Variants in TDRD3 observed in about 807,000 individuals in gnomAD.
The protein encoded by TDRD3 is tudor domain-containing protein 3.
A neutral mutation model predicts 86.7 loss-of-function variants in TDRD3; 45 were observed. That is an observed-to-expected ratio of 0.52 (90% CI 0.41 to 0.67). TDRD3 has a LOEUF of 0.67. Among genes scored for constraint, TDRD3 ranks in the 30% least tolerant of loss-of-function variants. The pLI, the probability that TDRD3 is intolerant of heterozygous loss-of-function variation, is 0.00. For synonymous variants in TDRD3, 298 were observed against 301.7 expected (o/e 0.99, Z 0.13); for missense variants, 814 against 889.0 (o/e 0.92, Z 1.07).
At chr13:60,420,231 G>C (rs1195991181) in intron 1 of TDRD3, among the ~76,000 whole-genome samples, 2 of 152,074 alleles carry the variant, frequency 1.3e-5, no homozygotes, top group Non-Finnish European at 2.9e-5. Context: ...TCTTAATGTT[G>C]ATTTGTAGGA....
intron 12 of TDRD3, among the ~76,000 whole-genome samples, chr13:60,542,079 G>C (rs1019925028): frequency 6.6e-6 from 1 of 151,942 alleles, no homozygotes; most frequent in Non-Finnish European, 1.5e-5. Context: ...CAACTGAACG[G>C]GGCTGGAATT....
intron 10 of TDRD3, among the ~76,000 whole-genome samples, chr13:60,515,049 G>A (rs1490740239): frequency 6.6e-6 from 1 of 152,100 alleles, no homozygotes; most frequent in African/African-American, 2.4e-5. Context: ...GACAGAAGAA[G>A]TCATAAACTA....
intron 1 of TDRD3, among the ~76,000 whole-genome samples, chr13:60,436,278 T>A (rs1411231099): frequency 6.6e-6 from 1 of 152,100 alleles, no homozygotes; most frequent in African/African-American, 2.4e-5. Context: ...TCTACTTACT[T>A]TTTATTTTTG....
chr13:60,497,720 A>T (rs1163775942), intron 8 of TDRD3, among the ~76,000 whole-genome samples: 1 of 152,056 alleles, frequency 6.6e-6, no homozygotes, highest in Non-Finnish European at 1.5e-5. Flanking sequence ...TGGAATGGGG[A>T]TGTGTGGGTG....
intron 1 of TDRD3, among the ~76,000 whole-genome samples, chr13:60,431,266 A>G (rs1267651435): frequency 2.0e-5 from 3 of 152,048 alleles, no homozygotes; most frequent in Non-Finnish European, 4.4e-5. Flanking sequence ...CAACAGGAGT[A>G]TAATATTTTA....
intron 1 of TDRD3, among the ~76,000 whole-genome samples, chr13:60,401,568 T>G (rs936472118): frequency 2.0e-5 from 3 of 152,184 alleles, no homozygotes; most frequent in Admixed American, 2.0e-4. Context: ...TGAAGACCCT[T>G]TAAGGTAGCA....
chr13:60,416,955 A>T (rs1464019383), intron 1 of TDRD3, among the ~76,000 whole-genome samples: 2 of 150,730 alleles, frequency 1.3e-5, no homozygotes, highest in Non-Finnish European at 2.9e-5. Flanking sequence ...ATTGGTACTA[A>T]CAAAGTTCTA....
At chr13:60,478,509 TGGCC>T (rs2137469366) in intron 5 of TDRD3, among the ~76,000 whole-genome samples, 1 of 152,146 alleles carries the variant, frequency 6.6e-6, no homozygotes, top group South Asian at 2.1e-4. Flanking sequence ...TTCAGAATGT[TGGCC>T]AGGGTGGTCT....
intron 10 of TDRD3, among the ~76,000 whole-genome samples, chr13:60,525,454 G>A (rs1957406644): frequency 6.6e-6 from 1 of 151,960 alleles, no homozygotes; most frequent in South Asian, 2.1e-4. Flanking sequence ...GATTACAGGG[G>A]TGAACCACCG....
chr13:60,429,840 T>TAC (rs1555271860), intron 1 of TDRD3, among the ~76,000 whole-genome samples: 2 of 354 alleles, frequency 5.6e-3, no homozygotes, highest in Non-Finnish European at 0.011. Flanking sequence ...AGAAATTGTA[T>TAC]TCTCTTTCTC....
chr13:60,514,497 A>G (rs1452286441), intron 10 of TDRD3, among the ~76,000 whole-genome samples: 1 of 152,182 alleles, frequency 6.6e-6, no homozygotes, highest in African/African-American at 2.4e-5. Flanking sequence ...AATCTCTCCT[A>G]GATGTACTGT....
intron 12 of TDRD3, among the ~76,000 whole-genome samples, chr13:60,553,545 T>G (rs1306037047): frequency 6.7e-6 from 1 of 150,176 alleles, no homozygotes; most frequent in Non-Finnish European, 1.5e-5. Flanking sequence ...TAATTTATTT[T>G]TTTTAAATAA....
At position 60,573,612 on chromosome 13, in the gene TDRD3, G is replaced by T; in HGVS notation, c.*10-4G>T. 1.0e-6 allele frequency: 1 copy of T among 985,320 alleles called. No homozygotes were observed. The highest frequency in any genetic ancestry group is 1.2e-6 in the Non-Finnish European group (1 of 829,900). The allele number at this position is 985,320 out of a possible 1,614,324, so 61.0% of individuals were successfully genotyped here. A position where few individuals can be genotyped will look rare whatever the true frequency, so the allele number is the denominator to read the frequency against. ...TTCATTTTCTTCATTTCTTTTTAAA[G>T]TAGACTCTTTGTGAAGAAACGAGCC... is the stretch of plus-strand genomic sequence containing the variant. On this transcript the variant is annotated splice_polypyrimidine_tract_variant and splice_region_variant and intron_variant, in intron 13 of 13. Transcript: ENST00000377881.
At chr13:60,449,029 A>T (rs1415525736) in intron 3 of TDRD3, among the ~76,000 whole-genome samples, 1 of 152,088 alleles carries the variant, frequency 6.6e-6, no homozygotes, top group Non-Finnish European at 1.5e-5. Context: ...AAAACTATGA[A>T]TAAGACCTAA....
intron 4 of TDRD3, among the ~76,000 whole-genome samples, chr13:60,465,216 A>T (rs1398080202): frequency 6.6e-6 from 1 of 152,220 alleles, no homozygotes; most frequent in Non-Finnish European, 1.5e-5. Context: ...TAGGTAAATG[A>T]TCTAATTCAT....
rs1957034662 is a variant in TDRD3 at position 60,510,577 on chromosome 13, T to C, written c.1016-53T>C. On this transcript the variant is annotated intron_variant, in intron 9 of 13. Transcript: ENST00000377881. Reference sequence around the variant, plus strand: ...TTGTTGGTTATATATTAGTATATATTCTCTTTTTGTTTTTGCATATACAGT... The same window carrying C: ...TTGTTGGTTATATATTAGTATATATCCTCTTTTTGTTTTTGCATATACAGT... 8.9e-6 allele frequency: 13 copies of C among 1,452,826 alleles called. No individual in the cohort carries two copies. The South Asian group carries it at 2.1e-4, about 23-fold the overall frequency. 90.0% of individuals were successfully genotyped at this position (1,452,826 alleles called of 1,614,324 possible).
At chr13:60,474,574 A>G (rs1956145054) in intron 5 of TDRD3, among the ~76,000 whole-genome samples, 1 of 152,210 alleles carries the variant, frequency 6.6e-6, no homozygotes. Flanking sequence ...TCTACCTTCA[A>G]TAATACATAC....
At chr13:60,466,351 A>G (rs1337659729) in intron 4 of TDRD3, among the ~76,000 whole-genome samples, 2 of 152,204 alleles carry the variant, frequency 1.3e-5, no homozygotes, top group African/African-American at 4.8e-5. Context: ...CTTATATAGC[A>G]TAGCATAGTT....
intron 12 of TDRD3, chr13:60,547,208 A>G (rs186610188): frequency 6.0e-5 from 59 of 982,856 alleles, no homozygotes; most frequent in Admixed American, 1.2e-4. Context: ...AAATCTCATG[A>G]CATTGTTCAC....
Sources: allele counts gnomAD v4.1 joint callset (sites outside exome capture counted in the v4.1 genomes callset), GRCh38; gene constraint gnomAD v4.1.1; transcripts MANE v1.5; gene names NCBI Gene and HGNC (gene_info 2026-07-23, HGNC 2026-07-21).